The following CDK17 variants were observed in gnomAD, a reference collection of about 807,000 sequenced individuals.
The protein encoded by CDK17 is cyclin dependent kinase 17.
In CDK17, 24 loss-of-function variants were observed where a neutral mutation model predicts 77.6. The observed-to-expected ratio is 0.31, with a 90% CI of 0.22 to 0.44. The LOEUF (loss-of-function observed/expected upper bound fraction) is 0.44, where lower values mean the gene tolerates loss of function less well. Among genes scored for constraint, CDK17 ranks in the 20% least tolerant of loss-of-function variants. The pLI, the probability that CDK17 is intolerant of heterozygous loss-of-function variation, is 1.00. For missense variants in CDK17, 429 were observed against 622.5 expected (o/e 0.69, Z 3.31); for synonymous variants, 203 against 210.4 (o/e 0.96, Z 0.30).
At position 96,297,653 on chromosome 12, in the gene CDK17, AT is replaced by A; in HGVS notation, c.783del (p.Lys261AsnfsTer3). ...AGATACTCAAACACCAAAGTCAAGG[AT>A]TTATCTGTGTGAACAATGTCATGTA... ...VTLHDIVHTD[K>X]SLTLVFEYLD... On this transcript the variant is annotated frameshift_variant, in exon 8 of 17. Transcript: ENST00000261211. LOFTEE classifies it high-confidence loss of function. 6.2e-7 allele frequency: 1 copy of A among 1,602,650 alleles called. No individual in the cohort carries two copies. Among genetic ancestry groups the A allele is most frequent in the Non-Finnish European group, 8.5e-7 (1 of 1,170,850 alleles).
intron 10 of CDK17, 47 bp downstream of exon 10, chr12:96,294,952 C>T (rs752295519): frequency 1.1e-5 from 16 of 1,515,414 alleles, no homozygotes; most frequent in Non-Finnish European, 1.3e-5. Flanking sequence ...TTAACCATTA[C>T]ACTTTAGAAC....
At chr12:96,350,526 T>C (rs559641093) in intron 1 of CDK17, among the ~76,000 whole-genome samples, 4 of 152,182 alleles carry the variant, frequency 2.6e-5, no homozygotes, top group South Asian at 4.1e-4. Flanking sequence ...GACATAAGAA[T>C]AGATATATAT....
intron 1 of CDK17, among the ~76,000 whole-genome samples, chr12:96,341,276 T>G (rs1953117558): frequency 6.6e-6 from 1 of 151,472 alleles, no homozygotes; most frequent in Non-Finnish European, 1.5e-5. Flanking sequence ...CTGACTCTAT[T>G]CCTCTATCCT....
chr12:96,300,612 T>G (rs933614643), intron 5 of CDK17, among the ~76,000 whole-genome samples: 2 of 152,072 alleles, frequency 1.3e-5, no homozygotes, highest in Admixed American at 1.3e-4. Context: ...GGCCAGGCTG[T>G]TCTCGAACTC....
At chr12:96,298,624 T>C (rs1018803526) in intron 7 of CDK17, among the ~76,000 whole-genome samples, 7 of 152,222 alleles carry the variant, frequency 4.6e-5, no homozygotes, top group African/African-American at 1.7e-4. Context: ...TGTACCAATG[T>C]ATAACATTTC....
At chr12:96,291,357 T>C (rs1952321793) in intron 10 of CDK17, among the ~76,000 whole-genome samples, 1 of 152,118 alleles carries the variant, frequency 6.6e-6, no homozygotes, top group African/African-American at 2.4e-5. Flanking sequence ...AATGGCTTGA[T>C]CATGACTCGC....
intron 3 of CDK17, among the ~76,000 whole-genome samples, chr12:96,315,487 T>C (rs544422174): frequency 9.5e-4 from 144 of 152,316 alleles, no homozygotes; most frequent in African/African-American, 3.4e-3. Flanking sequence ...AAGTAATGTA[T>C]TGGTGATTGA....
chr12:96,302,282 C>T (rs959868236), intron 5 of CDK17, among the ~76,000 whole-genome samples: 2 of 152,038 alleles, frequency 1.3e-5, no homozygotes, highest in African/African-American at 2.4e-5. Flanking sequence ...CTATCTGGTA[C>T]ATGACAGTCT....
intron 4 of CDK17, among the ~76,000 whole-genome samples, chr12:96,312,628 A>T (rs977826325): frequency 6.6e-6 from 1 of 152,196 alleles, no homozygotes; most frequent in African/African-American, 2.4e-5. Context: ...CAACAGCACC[A>T]AAAAAGCAAC....
At chr12:96,371,801 TA>T (rs1342712344) in intron 1 of CDK17, among the ~76,000 whole-genome samples, 1 of 152,218 alleles carries the variant, frequency 6.6e-6, no homozygotes, top group Non-Finnish European at 1.5e-5. Context: ...TTACATGACA[TA>T]TTTTTCAATC....
intron 2 of CDK17, among the ~76,000 whole-genome samples, chr12:96,331,966 A>G: frequency 6.6e-6 from 1 of 152,190 alleles, no homozygotes; most frequent in East Asian, 1.9e-4. Flanking sequence ...GACATCATAT[A>G]CAACAGTGGT....
intron 1 of CDK17, among the ~76,000 whole-genome samples, chr12:96,384,767 A>C (rs1953944736): frequency 6.6e-6 from 1 of 152,288 alleles, no homozygotes; most frequent in Admixed American, 6.5e-5. Context: ...CTGTAATGCC[A>C]GCACTTGGGA....
intron 10 of CDK17, among the ~76,000 whole-genome samples, chr12:96,290,039 G>A (rs1420322524): frequency 2.0e-5 from 3 of 151,800 alleles, no homozygotes; most frequent in South Asian, 2.1e-4. Context: ...AAAAAAAATC[G>A]CAAAAAAATC....
intron 1 of CDK17, among the ~76,000 whole-genome samples, chr12:96,388,565 C>G (rs1398773412): frequency 2.0e-5 from 3 of 152,298 alleles, no homozygotes; most frequent in Admixed American, 2.0e-4. Flanking sequence ...CCTTGTGAAT[C>G]ACTGATTTAG....
At chr12:96,293,912 T>G (rs541433334) in intron 10 of CDK17, among the ~76,000 whole-genome samples, 1 of 152,330 alleles carries the variant, frequency 6.6e-6, no homozygotes, top group Admixed American at 6.5e-5. Context: ...AAACTTGAAT[T>G]TTATTATTGG....
chr12:96,289,330 A>T, intron 10 of CDK17, 43 bp from the exon 11 acceptor site: 1 of 1,611,206 alleles, frequency 6.2e-7, no homozygotes, highest in Non-Finnish European at 8.5e-7. Flanking sequence ...AAAAGCTTTA[A>T]TGGATCTCTC....
intron 5 of CDK17, among the ~76,000 whole-genome samples, chr12:96,301,567 T>A (rs138860432): frequency 1.4e-3 from 218 of 152,178 alleles, no homozygotes; most frequent in African/African-American, 5.1e-3. Flanking sequence ...CCTTTATAGA[T>A]AATGGAAAAG....
chr12:96,390,734 A>G (rs1954054618), intron 1 of CDK17, among the ~76,000 whole-genome samples: 1 of 148,936 alleles, frequency 6.7e-6, no homozygotes, highest in Middle Eastern at 3.2e-3. Flanking sequence ...AAAAAGACAG[A>G]AAAGAAAAAG....
intron 1 of CDK17, among the ~76,000 whole-genome samples, chr12:96,393,343 A>C (rs1292865883): frequency 4.9e-5 from 5 of 101,430 alleles, no homozygotes. Context: ...CCAGCCTGTG[A>C]GGCTCCGCCT....
Sources: gnomAD v4.1 joint callset for allele counts (sites outside exome capture counted in the v4.1 genomes callset) on GRCh38, gnomAD v4.1.1 for gene constraint, MANE v1.5 for transcripts, NCBI Gene and HGNC (gene_info 2026-07-23, HGNC 2026-07-21) for gene names.